The following NSMCE2 variants were observed in gnomAD, a reference collection of about 807,000 sequenced individuals.
The protein encoded by NSMCE2 is E3 SUMO-protein ligase NSE2.
A neutral mutation model predicts 23.8 loss-of-function variants in NSMCE2; 24 were observed. The ratio of observed to expected loss-of-function variants is 1.01; its 90% CI spans 0.73 to 1.42. The LOEUF (loss-of-function observed/expected upper bound fraction) is 1.42, where lower values mean the gene tolerates loss of function less well. Among genes scored for constraint, NSMCE2 ranks in the 40% most tolerant of loss-of-function variants. The pLI is 0.00. For synonymous variants in NSMCE2, 92 were observed against 94.1 expected (o/e 0.98, Z 0.13); for missense variants, 284 against 296.5 (o/e 0.96, Z 0.31).
intron 5 of NSMCE2, among the ~76,000 whole-genome samples, chr8:125,356,987 T>TA (rs1277753052): frequency 6.6e-6 from 1 of 152,174 alleles, no homozygotes; most frequent in Non-Finnish European, 1.5e-5. Flanking sequence ...TCTATAACTT[T>TA]AAAAAAGATT....
At chr8:125,161,807 A>T (rs1392506836) in intron 4 of NSMCE2, among the ~76,000 whole-genome samples, 9 of 151,530 alleles carry the variant, frequency 5.9e-5, no homozygotes. Context: ...AAAAAAAAAA[A>T]TCGGAAACGG....
At chr8:125,150,702 T>G (rs1408662252) in intron 3 of NSMCE2, among the ~76,000 whole-genome samples, 1 of 152,106 alleles carries the variant, frequency 6.6e-6, no homozygotes, top group East Asian at 1.9e-4. Context: ...ATTGTTTTCA[T>G]TAGGAAGATT....
intron 5 of NSMCE2, chr8:125,270,726 C>T (rs1827145376): frequency 6.6e-6 from 1 of 152,010 alleles, no homozygotes; most frequent in African/African-American, 2.4e-5. Flanking sequence ...ACACTAAGTT[C>T]AGCATCAATA....
intron 5 of NSMCE2, among the ~76,000 whole-genome samples, chr8:125,198,648 T>C (rs1019548096): frequency 2.0e-5 from 3 of 152,236 alleles, no homozygotes; most frequent in African/African-American, 4.8e-5. Flanking sequence ...TCTAAAATTC[T>C]CTTTTTTTGT....
chr8:125,233,156 C>T (rs1825401924), intron 5 of NSMCE2, among the ~76,000 whole-genome samples: 1 of 152,184 alleles, frequency 6.6e-6, no homozygotes, highest in Admixed American at 6.5e-5. Flanking sequence ...TTTTGTCCTC[C>T]AGCTAGGCAA....
intron 3 of NSMCE2, among the ~76,000 whole-genome samples, chr8:125,107,724 A>G (rs1818534280): frequency 6.6e-6 from 1 of 152,288 alleles, no homozygotes; most frequent in East Asian, 1.9e-4. Flanking sequence ...ACCCAGACAA[A>G]TAGCATCTTA....
At chr8:125,289,971 C>T (rs1485012925) in intron 5 of NSMCE2, among the ~76,000 whole-genome samples, 7 of 152,182 alleles carry the variant, frequency 4.6e-5, no homozygotes, top group Non-Finnish European at 7.3e-5. Flanking sequence ...AGCTGGTGTA[C>T]ACATGTGATA....
intron 4 of NSMCE2, among the ~76,000 whole-genome samples, chr8:125,179,429 C>T (rs1315611417): frequency 2.0e-5 from 3 of 151,878 alleles, no homozygotes; most frequent in Non-Finnish European, 4.4e-5. Flanking sequence ...AATTTTTTTT[C>T]CTTTCATTAA....
chr8:125,197,644 T>G (rs1031259944), intron 5 of NSMCE2, among the ~76,000 whole-genome samples: 1 of 152,192 alleles, frequency 6.6e-6, no homozygotes, highest in Non-Finnish European at 1.5e-5. Flanking sequence ...AGCTTTGTTC[T>G]TTTTGCTTAG....
intron 5 of NSMCE2, among the ~76,000 whole-genome samples, chr8:125,304,378 G>C (rs1471213345): frequency 6.6e-6 from 1 of 152,178 alleles, no homozygotes; most frequent in Non-Finnish European, 1.5e-5. Flanking sequence ...TAGCAGAGGA[G>C]TGACGTGATC....
intron 5 of NSMCE2, among the ~76,000 whole-genome samples, chr8:125,315,174 G>A (rs911608796): frequency 6.6e-6 from 1 of 152,080 alleles, no homozygotes; most frequent in Non-Finnish European, 1.5e-5. Context: ...AGGAGTTACA[G>A]GGATAGAGTG....
At chr8:125,289,263 A>T (rs1828016582) in intron 5 of NSMCE2, among the ~76,000 whole-genome samples, 1 of 152,246 alleles carries the variant, frequency 6.6e-6, no homozygotes, top group African/African-American at 2.4e-5. Flanking sequence ...ATAGGCAGTT[A>T]TCCAAAGTAT....
intron 5 of NSMCE2, among the ~76,000 whole-genome samples, chr8:125,250,375 C>T (rs796250535): frequency 4.6e-5 from 7 of 152,108 alleles, no homozygotes; most frequent in African/African-American, 1.7e-4. Context: ...TTTTCTAGCC[C>T]TCTTACTTTA....
chr8:125,106,518 A>C (rs1326115280), intron 3 of NSMCE2, among the ~76,000 whole-genome samples: 1 of 151,968 alleles, frequency 6.6e-6, no homozygotes, highest in Non-Finnish European at 1.5e-5. Flanking sequence ...TCTCTACTAA[A>C]AATACAAAAA....
intron 5 of NSMCE2, among the ~76,000 whole-genome samples, chr8:125,198,277 G>A (rs1563713977): frequency 6.6e-6 from 1 of 152,092 alleles, no homozygotes; most frequent in Non-Finnish European, 1.5e-5. Flanking sequence ...GTTTTCAAAG[G>A]GAATGCTTCC....
chr8:125,254,558 C>T (rs190748802), intron 5 of NSMCE2, among the ~76,000 whole-genome samples: 9 of 152,236 alleles, frequency 5.9e-5, no homozygotes, highest in East Asian at 3.9e-4. Context: ...TTTTATATAA[C>T]TGACCCACAT....
In NSMCE2 at chr8:125,106,331, C is replaced by T. The variant is rs186294579; in HGVS notation, c.157+3844C>T. Among the ~76,000 whole-genome samples the T allele has an allele frequency of 2.6e-4, 40 of 152,262 alleles. No individual in the cohort carries two copies. In the East Asian group the frequency reaches 7.5e-3, roughly 29 times the overall value. On this transcript the variant is annotated intron_variant, in intron 3 of 7. Transcript: ENST00000287437. ...GATCTTATCAGAAAAGTCATACGCT[C>T]TCAAATTTATAATGGTGAACACAAA...
At chr8:125,105,442 C>T (rs1233967989) in intron 3 of NSMCE2, among the ~76,000 whole-genome samples, 1 of 151,764 alleles carries the variant, frequency 6.6e-6, no homozygotes, top group Non-Finnish European at 1.5e-5. Flanking sequence ...TTTGAAGATT[C>T]CTGGGAGTTT....
chr8:125,352,199 G>T (rs755580238), intron 5 of NSMCE2, among the ~76,000 whole-genome samples: 9 of 151,884 alleles, frequency 5.9e-5, no homozygotes, highest in Admixed American at 2.0e-4. Flanking sequence ...AACAATTTGG[G>T]GCTGGGCGTG....
Sources: allele counts gnomAD v4.1 joint callset (sites outside exome capture counted in the v4.1 genomes callset), GRCh38; gene constraint gnomAD v4.1.1; transcripts MANE v1.5; gene names NCBI Gene and HGNC (gene_info 2026-07-23, HGNC 2026-07-21).